TMPRSS9: variants seen among roughly 807,000 people sequenced by gnomAD.
TMPRSS9 encodes the protein transmembrane protease serine 9.
Under a neutral mutation model 111.4 loss-of-function variants are expected in TMPRSS9, and 113 were observed. The ratio of observed to expected loss-of-function variants is 1.01; its 90% CI spans 0.87 to 1.19. The LOEUF is 1.19. Among genes scored for constraint, TMPRSS9 ranks in the 50% most tolerant of loss-of-function variants. TMPRSS9 has a pLI of 0.00. For synonymous variants in TMPRSS9, 805 were observed against 659.1 expected (o/e 1.22, Z -3.39); for missense variants, 1,803 against 1,513.1 (o/e 1.19, Z -3.18).
chr19:2,416,871 G>T, intron 12 of TMPRSS9, 62 bp downstream of exon 13: 2 of 1,532,612 alleles, frequency 1.3e-6, no homozygotes, highest in Non-Finnish European at 1.8e-6. Flanking sequence ...CCTGGGGAGG[G>T]TCAGGATGGG....
chr19:2,408,568 A>C (rs1971022421), exon 8 of TMPRSS9: 1 of 1,613,540 alleles, frequency 6.2e-7, no homozygotes, highest in Non-Finnish European at 8.5e-7. Context: ...GCTGCCACAC[A>C]CATCTTCCCA....
intron 1 of TMPRSS9, among the ~76,000 whole-genome samples, chr19:2,395,142 G>A (rs548969185): frequency 6.6e-6 from 1 of 152,228 alleles, no homozygotes; most frequent in East Asian, 1.9e-4. Flanking sequence ...TTAACGCTGG[G>A]TGCAGTGGCT....
At chr19:2,406,014 CTTTT>C (rs749624348) in intron 7 of TMPRSS9, among the ~76,000 whole-genome samples, 1 of 95,562 alleles carries the variant, frequency 1.0e-5, no homozygotes, top group African/African-American at 3.9e-5. Flanking sequence ...TTCTTTCTTT[CTTTT>C]TTTTTTTTTT....
chr19:2,378,122 C>G (rs903325788), intron 1 of TMPRSS9, among the ~76,000 whole-genome samples: 4 of 152,116 alleles, frequency 2.6e-5, no homozygotes, highest in African/African-American at 9.7e-5. Context: ...TCAAGCAATT[C>G]TCTTGCCTTG....
chr19:2,419,172 T>TTCCCTCCCTACCTTTCC (rs1971405523), intron 13 of TMPRSS9, among the ~76,000 whole-genome samples: 1 of 102,180 alleles, frequency 9.8e-6, no homozygotes, highest in Non-Finnish European at 1.9e-5. Context: ...CTTTCCTTCC[T>TTCCCTCCCTACCTTTCC]TTCCTTTCCT....
Position 2,415,691 on chromosome 19 carries a change from T to C in TMPRSS9, c.1595T>C (p.Met532Thr), listed in dbSNP as rs1159026990. Reference sequence around the variant, plus strand: ...CCAGAATGTGGGGCCAGGCCTGCAATGGAGAAGCCCACCCGGGTCGTGGGC... The same window carrying C: ...CCAGAATGTGGGGCCAGGCCTGCAACGGAGAAGCCCACCCGGGTCGTGGGC... Residue 532 changes from methionine to threonine, a missense_variant, in exon 11 of 18, where the codon ATG (methionine) becomes ACG (threonine). Physicochemically the swap from Met to Thr is moderately conservative, Grantham distance 81. Coordinates refer to ENST00000648592, the Ensembl canonical transcript of TMPRSS9. 4 of 1,603,304 alleles carry C rather than the reference T, an allele frequency of 2.5e-6. No homozygotes were observed. In the South Asian group the frequency reaches 3.3e-5, roughly 13 times the overall value.
exon 4 of TMPRSS9, chr19:2,399,102 G>A: frequency 1.9e-6 from 3 of 1,613,750 alleles, no homozygotes; most frequent in Non-Finnish European, 2.5e-6. Context: ...GCCTGGAGGA[G>A]GAGCTATTGC....
chr19:2,360,766 G>A (rs1018424057), intron 1 of TMPRSS9, among the ~76,000 whole-genome samples: 6 of 151,918 alleles, frequency 3.9e-5, no homozygotes, highest in African/African-American at 1.5e-4. Context: ...GGGTTGTGTG[G>A]ACTCAGGTGT....
At chr19:2,410,157 TG>T in intron 8 of TMPRSS9, 100 bp from the exon 10 acceptor site, 2 of 1,530,834 alleles carry the variant, frequency 1.3e-6, no homozygotes, top group Non-Finnish European at 8.8e-7. Context: ...CTGGGGAAAC[TG>T]AGGGAGGCTT....
intron 1 of TMPRSS9, among the ~76,000 whole-genome samples, chr19:2,376,612 C>A (rs1420821445): frequency 2.0e-5 from 3 of 151,976 alleles, no homozygotes; most frequent in Non-Finnish European, 4.4e-5. Flanking sequence ...GGCATGTGCC[C>A]CCACGCCCGG....
upstream of TMPRSS9, among the ~76,000 whole-genome samples, chr19:2,386,860 C>T (rs1219093499): frequency 2.6e-5 from 4 of 151,678 alleles, no homozygotes; most frequent in South Asian, 2.1e-4. Flanking sequence ...GGTGTGATGG[C>T]ACACGCCTGT....
At chr19:2,415,628 C>T in intron 10 of TMPRSS9, 42 bp from the exon 12 acceptor site, 1 of 1,478,880 alleles carries the variant, frequency 6.8e-7, no homozygotes, top group Admixed American at 2.3e-5. Flanking sequence ...CCCACCCGAG[C>T]AGGCCAAGAT....
intron 7 of TMPRSS9, among the ~76,000 whole-genome samples, chr19:2,406,757 T>A (rs1970978110): frequency 6.6e-6 from 1 of 151,926 alleles, no homozygotes; most frequent in Admixed American, 6.6e-5. Flanking sequence ...TTGTGGACAT[T>A]TTTTGCATTC....
At chr19:2,409,030 A>AATAATAATAATAATG (rs1430224737) in intron 8 of TMPRSS9, among the ~76,000 whole-genome samples, 29 of 125,356 alleles carry the variant, frequency 2.3e-4, no homozygotes, top group African/African-American at 4.4e-4. Context: ...TAATAATAAT[A>AATAATAATAATAATG]ATGATGATGC....
upstream of TMPRSS9, among the ~76,000 whole-genome samples, chr19:2,387,961 C>T (rs1241369019): frequency 6.6e-6 from 1 of 151,712 alleles, no homozygotes; most frequent in Admixed American, 6.6e-5. Flanking sequence ...GTGGGCTGTC[C>T]AGAGCCGTAG....
intron 1 of TMPRSS9, among the ~76,000 whole-genome samples, chr19:2,395,922 G>A (rs890172545): frequency 6.6e-6 from 1 of 150,998 alleles, no homozygotes; most frequent in Non-Finnish European, 1.5e-5. Flanking sequence ...GCAGGAGAAT[G>A]GCATGAACCC....
intron 3 of TMPRSS9, 70 bp from the exon 5 acceptor site, chr19:2,398,938 GGAAGATTCTA>G (rs1970767756): frequency 1.9e-6 from 3 of 1,539,082 alleles, no homozygotes; most frequent in Non-Finnish European, 2.6e-6. Flanking sequence ...AGAAAAGTTT[GGAAGATTCTA>G]GAAGATTCCA....
intron 4 of TMPRSS9, among the ~76,000 whole-genome samples, chr19:2,401,774 A>C (rs762268879): frequency 6.6e-6 from 1 of 151,114 alleles, no homozygotes; most frequent in East Asian, 2.0e-4. Flanking sequence ...CACCCGTCTA[A>C]TTTTTGTATT....
At chr19:2,421,833 T>A in intron 13 of TMPRSS9, 21 bp from the exon 15 acceptor site, 3 of 1,571,936 alleles carry the variant, frequency 1.9e-6, no homozygotes, top group Non-Finnish European at 2.6e-6. Context: ...GACCAACCAG[T>A]GCTCTTTCCT....
Sources: gnomAD v4.1 joint callset for allele counts (sites outside exome capture counted in the v4.1 genomes callset) on GRCh38, gnomAD v4.1.1 for gene constraint, MANE v1.5 for transcripts, NCBI Gene and HGNC (gene_info 2026-07-23, HGNC 2026-07-21) for gene names.